STPG2: variants seen among roughly 807,000 people sequenced by gnomAD.
STPG2 encodes sperm tail PG-rich repeat containing 2.
STPG2 carries 56 observed loss-of-function variants against 54.2 expected under a neutral mutation model. The ratio of observed to expected loss-of-function variants is 1.03; its 90% confidence interval spans 0.83 to 1.29. The LOEUF is 1.29. Among genes scored for constraint, STPG2 ranks in the 50% most tolerant of loss-of-function variants. The pLI is 0.00. For missense variants in STPG2, 596 were observed against 544.9 expected, an observed-to-expected ratio of 1.09 and a Z score of -0.93; for synonymous variants, 200 against 181.8, an observed-to-expected ratio of 1.10 and a Z score of -0.81.
At chr4:97,626,436 ACATAAT>A (rs775886365) in intron 10 of STPG2, among the ~76,000 whole-genome samples, 1 of 152,112 alleles carries the variant, frequency 6.6e-6, no homozygotes, top group Non-Finnish European at 1.5e-5. Flanking sequence ...TTCCACCTAA[ACATAAT>A]TAGCGTCTTC....
chr4:98,049,382 A>G (rs1179402342), intron 5 of STPG2, among the ~76,000 whole-genome samples: 1 of 152,186 alleles, frequency 6.6e-6, no homozygotes, highest in African/African-American at 2.4e-5. Flanking sequence ...GGATAACACT[A>G]AACATTTTAT....
intron 2 of STPG2, among the ~76,000 whole-genome samples, chr4:98,129,223 T>A (rs543784053): frequency 6.6e-6 from 1 of 152,226 alleles, no homozygotes; most frequent in African/African-American, 2.4e-5. Flanking sequence ...CCACCATTAC[T>A]AATTCTAAAA....
chr4:97,884,572 T>A (rs1489568695), intron 8 of STPG2, among the ~76,000 whole-genome samples: 1 of 152,108 alleles, frequency 6.6e-6, no homozygotes, highest in East Asian at 1.9e-4. Flanking sequence ...CCTCCAGAAT[T>A]GTGAGAAAAT....
chr4:97,854,900 C>A (rs1729283858), intron 8 of STPG2, among the ~76,000 whole-genome samples: 1 of 152,140 alleles, frequency 6.6e-6, no homozygotes, highest in African/African-American at 2.4e-5. Flanking sequence ...TCTCCCTCCC[C>A]CAACGTCTTG....
intron 5 of STPG2, among the ~76,000 whole-genome samples, chr4:98,082,105 C>G (rs1168255055): frequency 6.6e-6 from 1 of 152,146 alleles, no homozygotes; most frequent in Non-Finnish European, 1.5e-5. Context: ...AATGAGGTCA[C>G]TTGAACCCAA....
Position 97,559,043 on chromosome 4 carries a change from T to A in STPG2, c.*15A>T, listed in dbSNP as rs1279459549. The A allele has an allele frequency of 6.3e-7, 1 of 1,585,304 alleles. No individual in the cohort carries two copies. Among genetic ancestry groups the A allele is most frequent in the Non-Finnish European group, 8.6e-7 (1 of 1,167,748 alleles). ...TCCATGAAGTTGTTTTTTAAGTTTT[T>A]GCCATAAATTTATGTCACATTATAT... On this transcript the variant is annotated 3_prime_UTR_variant, in exon 11 of 11. Coordinates refer to ENST00000295268, the MANE Select transcript of STPG2 (RefSeq NM_174952.3).
intron 4 of STPG2, among the ~76,000 whole-genome samples, chr4:97,503,053 G>T (rs1032529854): frequency 2.0e-5 from 3 of 151,622 alleles, no homozygotes; most frequent in African/African-American, 7.3e-5. Flanking sequence ...TATACTATTT[G>T]GTTACCCAAG....
intron 8 of STPG2, among the ~76,000 whole-genome samples, chr4:97,880,070 T>C (rs1041410117): frequency 2.6e-5 from 4 of 151,998 alleles, no homozygotes; most frequent in Non-Finnish European, 5.9e-5. Flanking sequence ...AGTGAACAAA[T>C]GGATAAGGAA....
At chr4:97,778,077 G>T (rs866560379) in intron 9 of STPG2, among the ~76,000 whole-genome samples, 1 of 151,976 alleles carries the variant, frequency 6.6e-6, no homozygotes, top group Admixed American at 6.5e-5. Flanking sequence ...CAGGACAGTG[G>T]GTGCAGCCCA....
chr4:98,032,641 T>G (rs1010725037), intron 5 of STPG2, among the ~76,000 whole-genome samples: 1 of 152,120 alleles, frequency 6.6e-6, no homozygotes, highest in African/African-American at 2.4e-5. Flanking sequence ...AGAATATACA[T>G]TTTTCTCAGC....
chr4:97,512,232 G>A (rs1040842346), intron 4 of STPG2, among the ~76,000 whole-genome samples: 4 of 151,908 alleles, frequency 2.6e-5, no homozygotes, highest in Non-Finnish European at 5.9e-5. Flanking sequence ...ATAAACTAGA[G>A]GATATAAGAA....
chr4:97,904,927 G>T (rs1194050841), intron 8 of STPG2, among the ~76,000 whole-genome samples: 2 of 152,060 alleles, frequency 1.3e-5, no homozygotes, highest in Admixed American at 1.3e-4. Flanking sequence ...AAAGAAACGA[G>T]CAAAGCCTCC....
chr4:97,468,439 C>T (rs372556068), intron 4 of STPG2, among the ~76,000 whole-genome samples: 6 of 152,092 alleles, frequency 3.9e-5, no homozygotes, highest in African/African-American at 1.2e-4. Flanking sequence ...CTTAATTGCA[C>T]AGGTTGCTAT....
chr4:97,494,902 C>T (rs1730574617), intron 4 of STPG2, among the ~76,000 whole-genome samples: 1 of 151,554 alleles, frequency 6.6e-6, no homozygotes, highest in South Asian at 2.1e-4. Flanking sequence ...ATATACGCCA[C>T]ATACTTACAC....
At chr4:97,738,989 A>G (rs1463294129) in intron 9 of STPG2, among the ~76,000 whole-genome samples, 1 of 152,132 alleles carries the variant, frequency 6.6e-6, no homozygotes, top group Admixed American at 6.6e-5. Flanking sequence ...CAAATGTAAA[A>G]GAACAGAAAT....
chr4:97,676,848 A>T (rs1328143219), intron 10 of STPG2, among the ~76,000 whole-genome samples: 1 of 152,186 alleles, frequency 6.6e-6, no homozygotes, highest in East Asian at 1.9e-4. Context: ...TTGAATCCCA[A>T]GGCAAATGAC....
chr4:97,470,725 G>A (rs967328080), intron 4 of STPG2, among the ~76,000 whole-genome samples: 9 of 152,096 alleles, frequency 5.9e-5, no homozygotes, highest in Non-Finnish European at 1.5e-5. Flanking sequence ...TTATTGTACT[G>A]TATGCACAAT....
intron 4 of STPG2, among the ~76,000 whole-genome samples, chr4:97,549,404 TTA>T (rs1731915738): frequency 6.6e-6 from 1 of 152,106 alleles, no homozygotes; most frequent in East Asian, 1.9e-4. Flanking sequence ...CTCTAAAATA[TTA>T]TGTTTTCCCT....
intron 8 of STPG2, among the ~76,000 whole-genome samples, chr4:97,935,781 G>A (rs1290885631): frequency 1.3e-5 from 2 of 152,124 alleles, no homozygotes; most frequent in Admixed American, 6.5e-5. Context: ...ATTTGCTGAG[G>A]AGTGTTTTAC....
Sources: allele counts gnomAD v4.1 joint callset (sites outside exome capture counted in the v4.1 genomes callset), GRCh38; gene constraint gnomAD v4.1.1; transcripts MANE v1.5; gene names NCBI Gene and HGNC (gene_info 2026-07-23, HGNC 2026-07-21).